Variants in WNK3 observed in about 807,000 individuals in gnomAD.
The protein encoded by WNK3 is WNK lysine deficient protein kinase 3.
A neutral mutation model predicts 116.7 loss-of-function variants in WNK3; 18 were observed. The observed-to-expected ratio is 0.15, with a 90% CI of 0.11 to 0.23. The LOEUF is 0.23. Ranked by LOEUF, WNK3 falls within the 10% of genes least tolerant of loss-of-function variation. The pLI is 1.00. For synonymous variants in WNK3, 404 were observed against 469.4 expected (o/e 0.86, Z 1.80); for missense variants, 993 against 1,323.8 (o/e 0.75, Z 3.88).
chrX:54,244,146 G>A (rs1255020683), intron 17 of WNK3, among the ~76,000 whole-genome samples: 2 of 111,536 alleles, frequency 1.8e-5, no homozygotes, highest in Non-Finnish European at 3.8e-5. Context: ...AAAAGTTCTG[G>A]AACTAGATAA....
Position 54,333,353 on chromosome X carries a change from T to C in WNK3, c.321A>G (p.Glu107=), listed in dbSNP as rs781940880. The change falls in exon 2 of 24, where the codon GAA becomes GAG. Residue 107 remains glutamate, a synonymous_variant. Coordinates refer to ENST00000354646, the Ensembl canonical transcript of WNK3. ...TTTCTGAGGTTGACTTTGAACACTGTTCATATTTAACTTCTTGTCCACCTC... is the reference window on the plus strand; with the variant it reads ...TTTCTGAGGTTGACTTTGAACACTGCTCATATTTAACTTCTTGTCCACCTC... The C allele has an allele frequency of 2.5e-5, 30 of 1,208,549 alleles. No individual in the cohort carries two copies. The Middle Eastern group carries it at 1.1e-3, about 46-fold the overall frequency.
chrX:54,301,997 T>G (rs2068762611), intron 5 of WNK3, 138 bp from the exon 6 acceptor site: 2 of 464,576 alleles, frequency 4.3e-6, no homozygotes, highest in East Asian at 7.8e-5. Context: ...TGTGTATATA[T>G]AGAGAACATA....
At chrX:54,214,696 CCT>C (rs1557144579) in intron 22 of WNK3, among the ~76,000 whole-genome samples, 1 of 111,364 alleles carries the variant, frequency 9.0e-6, no homozygotes. Context: ...AGCAATCATA[CCT>C]CTTTTTGAGC....
chrX:54,307,616 C>T (rs981639321), intron 5 of WNK3, among the ~76,000 whole-genome samples: 2 of 111,333 alleles, frequency 1.8e-5, no homozygotes, highest in African/African-American at 6.5e-5. Flanking sequence ...ACCATGTAGT[C>T]GGTCTCTATT....
chrX:54,254,285 A>G (rs782518201), intron 12 of WNK3, among the ~76,000 whole-genome samples: 42 of 112,385 alleles, frequency 3.7e-4, no homozygotes, highest in Non-Finnish European at 7.3e-4. Flanking sequence ...TAAGTTATAA[A>G]TGTGATCCTG....
intron 10 of WNK3, among the ~76,000 whole-genome samples, chrX:54,269,894 C>G (rs2068359896): frequency 9.1e-6 from 1 of 109,375 alleles, no homozygotes; most frequent in South Asian, 4.0e-4. Context: ...ATGTATATAC[C>G]TTTGTAAAAA....
intron 2 of WNK3, among the ~76,000 whole-genome samples, chrX:54,312,989 T>G (rs2068905156): frequency 9.0e-6 from 1 of 111,287 alleles, no homozygotes; most frequent in Admixed American, 9.7e-5. Flanking sequence ...CTATAAATTT[T>G]CTAACAGGTA....
exon 20 of WNK3, chrX:54,237,145 T>A: frequency 8.3e-7 from 1 of 1,212,029 alleles, no homozygotes; most frequent in Middle Eastern, 2.3e-4. Flanking sequence ...GGCTGAAAAT[T>A]CACTATCAGA....
chrX:54,310,359 G>A (rs1388982040), intron 3 of WNK3, among the ~76,000 whole-genome samples: 2 of 108,525 alleles, frequency 1.8e-5, no homozygotes, highest in East Asian at 2.9e-4. Context: ...TGGGCAACAC[G>A]GCGAAACCCC....
intron 20 of WNK3, among the ~76,000 whole-genome samples, chrX:54,235,603 G>A (rs782336489): frequency 1.4e-4 from 16 of 111,307 alleles, no homozygotes; most frequent in Admixed American, 7.7e-4. Flanking sequence ...AGCTTTTTGC[G>A]TGCCTATTTA....
rs1460517914 is a variant in WNK3 at position 54,277,979 on chromosome X, G to T, written c.2037+14909C>A. ...ATGGTGGCATGCACCTGTAGTCCCA[G>T]CTACTTTGGGAGGCTGTGGTGGGAG... is the stretch of plus-strand genomic sequence containing the variant. On this transcript the variant is annotated intron_variant, in intron 10 of 23. Transcript: ENST00000354646. 2.8e-5 allele frequency among the ~76,000 whole-genome samples: 3 copies of T among 108,938 alleles called. No individual in the cohort carries two copies. In the Admixed American group the frequency reaches 3.0e-4, roughly 11 times the overall value. 94.6% of individuals were successfully genotyped at this position (108,938 alleles called of 115,157 possible). A position where few individuals can be genotyped will look rare whatever the true frequency, so the allele number is the denominator to read the frequency against.
At chrX:54,345,699 T>C (rs1397575885) in intron 1 of WNK3, among the ~76,000 whole-genome samples, 2 of 107,058 alleles carry the variant, frequency 1.9e-5, no homozygotes, top group East Asian at 5.9e-4. Context: ...GGCACGAGAA[T>C]CGCTTGAGGC....
chrX:54,238,889 T>C, exon 18 of WNK3: 1 of 1,185,361 alleles, frequency 8.4e-7, no homozygotes, highest in Non-Finnish European at 1.1e-6. Context: ...TTTGATCTCT[T>C]GAAAAAGCTG....
rs1409624915 is a variant in WNK3 at position 54,353,648 on chromosome X, A to G, written c.-120+4038T>C. Among the ~76,000 whole-genome samples the G allele has an allele frequency of 8.5e-5, 8 of 94,319 alleles. No individual in the cohort carries two copies. In the Admixed American group the frequency reaches 9.4e-4, roughly 11 times the overall value. The allele number at this position is 94,319 out of a possible 115,157, so 81.9% of individuals were successfully genotyped here. ...TGTTATTCCAGCTACTCGGGAGGCT[A>G]AGGCAGGAGAATCATTTGAACTCAG... On this transcript the variant is annotated intron_variant, in intron 1 of 23. Coordinates refer to ENST00000354646, the Ensembl canonical transcript of WNK3.
chrX:54,348,265 C>T (rs1011734560), intron 1 of WNK3, among the ~76,000 whole-genome samples: 2 of 109,989 alleles, frequency 1.8e-5, no homozygotes, highest in Non-Finnish European at 3.8e-5. Flanking sequence ...CAACCTCCAC[C>T]TCCCGGGTTC....
chrX:54,237,204 T>C, exon 20 of WNK3: 2 of 1,211,943 alleles, frequency 1.7e-6, no homozygotes, highest in South Asian at 1.8e-5. Context: ...TAAGCAACAG[T>C]TCAGATCCAG....
At chrX:54,299,449 G>GTTTTT (rs11383477) in intron 6 of WNK3, among the ~76,000 whole-genome samples, 1 of 83,706 alleles carries the variant, frequency 1.2e-5, no homozygotes, top group Non-Finnish European at 2.3e-5. Flanking sequence ...GTGTTTTGGT[G>GTTTTT]TTTTTTTTTT....
chrX:54,217,366 C>T lies in WNK3; in HGVS notation c.4870+11348G>A, dbSNP rs781855383. ...CATGTGGGCCAGGCGCGGTGGCTCA[C>T]ACCTGTAATCCCAGCACTTTGGGGC... On this transcript the variant is annotated intron_variant, in intron 22 of 23. Coordinates refer to ENST00000354646, the Ensembl canonical transcript of WNK3. 4.7e-5 allele frequency among the ~76,000 whole-genome samples: 4 copies of T among 85,491 alleles called. No homozygotes were observed. The South Asian group carries it at 2.0e-3, about 43-fold the overall frequency. The allele number at this position is 85,491 out of a possible 115,157, so 74.2% of individuals were successfully genotyped here. A position where few individuals can be genotyped will look rare whatever the true frequency, so the allele number is the denominator to read the frequency against.
In WNK3 at chrX:54,244,152, G is replaced by C. The variant is rs1227575896; in HGVS notation, c.3651+4545C>G. Among the ~76,000 whole-genome samples, 7 of 111,800 alleles carry C rather than the reference G, an allele frequency of 6.3e-5. No individual in the cohort carries two copies. In the Admixed American group the frequency reaches 6.7e-4, roughly 11 times the overall value. On this transcript the variant is annotated intron_variant, in intron 17 of 23. Coordinates refer to ENST00000354646, the Ensembl canonical transcript of WNK3. ...GGGTGATGAAAAAGTTCTGGAACTA[G>C]ATAATGGTGATGGATACACAACCTT...
Sources: gnomAD v4.1 joint callset for allele counts (sites outside exome capture counted in the v4.1 genomes callset) on GRCh38, gnomAD v4.1.1 for gene constraint, MANE v1.5 for transcripts, NCBI Gene and HGNC (gene_info 2026-07-23, HGNC 2026-07-21) for gene names.